The following TRPM3 variants were observed in gnomAD, a reference collection of about 807,000 sequenced individuals.
TRPM3 encodes the protein transient receptor potential cation channel subfamily M member 3, also known as long transient receptor potential channel 3.
Under a neutral mutation model 181.2 loss-of-function variants are expected in TRPM3, and 77 were observed. The observed-to-expected ratio is 0.42, with a 90% CI of 0.35 to 0.51. TRPM3 has a LOEUF of 0.51. Ranked by LOEUF, TRPM3 falls within the 20% of genes least tolerant of loss-of-function variation. The pLI is 0.01. For synonymous variants in TRPM3, 745 were observed against 796.4 expected (o/e 0.94, Z 1.09); for missense variants, 1,759 against 2,196.7 (o/e 0.80, Z 3.98).
At chr9:70,674,550 CATT>C (rs1244700857) in intron 9 of TRPM3, among the ~76,000 whole-genome samples, 1 of 151,876 alleles carries the variant, frequency 6.6e-6, no homozygotes, top group Non-Finnish European at 1.5e-5. Context: ...CATTTCAAAA[CATT>C]ATATATATAA....
chr9:71,358,324 C>A (rs776951321), intron 1 of TRPM3, among the ~76,000 whole-genome samples: 9 of 152,110 alleles, frequency 5.9e-5, no homozygotes, highest in Non-Finnish European at 1.0e-4. Context: ...GTTATGGATT[C>A]AATCCCCACA....
chr9:70,625,386 A>G lies in TRPM3; in HGVS notation c.1669-55T>C. ...AATCCAAAAGACAACGTGGTTTACTAGGGATTCTACTTCACGTATTCTGTA... is the reference window on the plus strand; with the variant it reads ...AATCCAAAAGACAACGTGGTTTACTGGGGATTCTACTTCACGTATTCTGTA... On this transcript the variant is annotated intron_variant, in intron 13 of 25. Transcript: ENST00000677713. This position sits in a 1 kb window ranked among gnomAD's most constrained non-coding sequence, Gnocchi z 4.8. The G allele has an allele frequency of 6.2e-7, 1 of 1,609,676 alleles. No individual in the cohort carries two copies. Among genetic ancestry groups the G allele is most frequent in the Non-Finnish European group, 8.5e-7 (1 of 1,177,678 alleles).
chr9:70,855,964 T>C (rs887037242), intron 3 of TRPM3, among the ~76,000 whole-genome samples: 2 of 152,194 alleles, frequency 1.3e-5, no homozygotes, highest in Non-Finnish European at 2.9e-5. Context: ...ATTGGAGGTG[T>C]TATTGTAATT....
intron 1 of TRPM3, among the ~76,000 whole-genome samples, chr9:71,295,905 C>T (rs534544665): frequency 6.7e-6 from 1 of 149,264 alleles, no homozygotes; most frequent in Non-Finnish European, 1.5e-5. Flanking sequence ...AGTTGGTCAA[C>T]ATAGTGACAG....
intron 1 of TRPM3, among the ~76,000 whole-genome samples, chr9:71,446,210 G>A (rs1011750431): frequency 6.6e-6 from 1 of 152,158 alleles, no homozygotes; most frequent in Non-Finnish European, 1.5e-5. Flanking sequence ...GGGATGGAAA[G>A]AGCAAGTGCT....
chr9:70,696,904 G>A (rs1389860176), intron 8 of TRPM3, among the ~76,000 whole-genome samples: 1 of 152,146 alleles, frequency 6.6e-6, no homozygotes, highest in African/African-American at 2.4e-5. Context: ...GCTCCTGTGT[G>A]TCTGTCCTCA....
chr9:70,758,912 T>C (rs2077570292), intron 8 of TRPM3, among the ~76,000 whole-genome samples: 1 of 152,186 alleles, frequency 6.6e-6, no homozygotes, highest in African/African-American at 2.4e-5. Flanking sequence ...ATTCAGGACA[T>C]AGGCATGGGC....
chr9:71,288,963 C>T (rs1042841926), intron 1 of TRPM3, among the ~76,000 whole-genome samples: 2 of 152,216 alleles, frequency 1.3e-5, no homozygotes, highest in Non-Finnish European at 2.9e-5. Flanking sequence ...TTTCTAACTG[C>T]AAGTCCAGTT....
At chr9:70,590,867 G>GT in intron 22 of TRPM3, 164 bp downstream of exon 22, 1 of 811,268 alleles carries the variant, frequency 1.2e-6, no homozygotes, top group Admixed American at 2.5e-5. Flanking sequence ...CTAAAATTGT[G>GT]TATTCACCTT....
intron 1 of TRPM3, among the ~76,000 whole-genome samples, chr9:71,309,700 C>T (rs2087735391): frequency 6.6e-6 from 1 of 151,990 alleles, no homozygotes; most frequent in Non-Finnish European, 1.5e-5. Context: ...TTCATTATTT[C>T]CATTTTCTTA....
At chr9:71,201,582 C>A (rs2078797393) in intron 1 of TRPM3, among the ~76,000 whole-genome samples, 1 of 152,076 alleles carries the variant, frequency 6.6e-6, no homozygotes, top group Non-Finnish European at 1.5e-5. Flanking sequence ...TCTTTTTATT[C>A]TTTTTTCTCT....
intron 1 of TRPM3, among the ~76,000 whole-genome samples, chr9:71,350,266 C>T (rs987166133): frequency 7.2e-5 from 11 of 152,104 alleles, no homozygotes; most frequent in Admixed American, 2.0e-4. Context: ...ATGTCAAGTA[C>T]TAGTCAATCA....
intron 1 of TRPM3, among the ~76,000 whole-genome samples, chr9:71,242,352 G>T (rs548564483): frequency 3.3e-5 from 5 of 152,270 alleles, no homozygotes; most frequent in Non-Finnish European, 5.9e-5. Context: ...ATTTCCCACA[G>T]AACACTCTGT....
intron 8 of TRPM3, among the ~76,000 whole-genome samples, chr9:70,684,900 C>T (rs925604400): frequency 2.6e-5 from 4 of 152,154 alleles, no homozygotes; most frequent in Non-Finnish European, 5.9e-5. Context: ...GAGTTGGGAA[C>T]GTTTTCCCCT....
chr9:70,581,555 ATAGT>A (rs1483590958), intron 22 of TRPM3, among the ~76,000 whole-genome samples: 1 of 152,252 alleles, frequency 6.6e-6, no homozygotes, highest in Non-Finnish European at 1.5e-5. Flanking sequence ...TCATCTGCTA[ATAGT>A]TAGCCTGTGT....
At chr9:71,201,892 G>C (rs1484006514) in intron 1 of TRPM3, among the ~76,000 whole-genome samples, 2 of 152,192 alleles carry the variant, frequency 1.3e-5, no homozygotes, top group African/African-American at 2.4e-5. Context: ...TCCTTTGGAG[G>C]AGGAGAGGCA....
At chr9:71,009,729 A>T (rs1436992377) in intron 1 of TRPM3, among the ~76,000 whole-genome samples, 1 of 152,142 alleles carries the variant, frequency 6.6e-6, no homozygotes, top group Admixed American at 6.5e-5. Context: ...AATAGAAAAA[A>T]AATAAATTCA....
chr9:71,229,064 A>T (rs1157347889), intron 1 of TRPM3, among the ~76,000 whole-genome samples: 2 of 152,302 alleles, frequency 1.3e-5, no homozygotes, highest in East Asian at 3.9e-4. Context: ...CTGACTTCAA[A>T]TTATAATACA....
At chr9:70,772,751 G>A (rs934587195) in intron 7 of TRPM3, among the ~76,000 whole-genome samples, 9 of 152,082 alleles carry the variant, frequency 5.9e-5, no homozygotes, top group African/African-American at 2.2e-4. Context: ...CTGTGTCTCT[G>A]TCATGTCTCT....
Sources: allele counts gnomAD v4.1 joint callset (sites outside exome capture counted in the v4.1 genomes callset), GRCh38; gene constraint gnomAD v4.1.1; non-coding constraint Gnocchi (gnomAD v3.1); transcripts MANE v1.5; gene names NCBI Gene and HGNC (gene_info 2026-07-23, HGNC 2026-07-21).